NHSL2: variants seen among roughly 807,000 people sequenced by gnomAD.
The protein encoded by NHSL2 is NHS like 2.
Under a neutral mutation model 53.4 loss-of-function variants are expected in NHSL2, and 27 were observed. The ratio of observed to expected loss-of-function variants is 0.51; its 90% CI spans 0.37 to 0.70. NHSL2 has a LOEUF of 0.70. Among genes scored for constraint, NHSL2 ranks in the 30% least tolerant of loss-of-function variants. The pLI, the probability that NHSL2 is intolerant of heterozygous loss-of-function variation, is 0.00. For missense variants in NHSL2, 892 were observed against 980.1 expected (o/e 0.91, Z 1.20); for synonymous variants, 408 against 404.1 (o/e 1.01, Z -0.12).
chrX:71,957,636 C>T (rs1043719396), intron 1 of NHSL2, among the ~76,000 whole-genome samples: 16 of 110,831 alleles, frequency 1.4e-4, no homozygotes, highest in African/African-American at 4.3e-4. Flanking sequence ...GACCCCCAGT[C>T]GGCCTACTGT....
chrX:71,964,021 A>ATG (rs1319369630), intron 1 of NHSL2, among the ~76,000 whole-genome samples: 2,047 of 7,062 alleles, frequency 0.29, 235 homozygotes, highest in East Asian at 0.68. Context: ...GTATATATAT[A>ATG]TATGTGTATA....
intron 1 of NHSL2, among the ~76,000 whole-genome samples, chrX:71,970,974 G>A (rs1030017398): frequency 1.3e-4 from 14 of 110,807 alleles, no homozygotes; most frequent in South Asian, 3.8e-4. Flanking sequence ...GTAGAGCCAC[G>A]GTCTTGCTAT....
chrX:72,102,274 G>A (rs750630666), intron 1 of NHSL2, among the ~76,000 whole-genome samples: 30 of 112,207 alleles, frequency 2.7e-4, no homozygotes, highest in Non-Finnish European at 4.7e-4. Context: ...AAGAAAAGGT[G>A]ACAAGAGAAA....
At chrX:72,000,483 CA>C (rs2042067792) in intron 1 of NHSL2, among the ~76,000 whole-genome samples, 3 of 112,232 alleles carry the variant, frequency 2.7e-5, no homozygotes, top group Admixed American at 1.9e-4. Flanking sequence ...TGGCTTAAAA[CA>C]ACACAAATTT....
intron 1 of NHSL2, among the ~76,000 whole-genome samples, chrX:72,045,286 T>A (rs1216624455): frequency 9.0e-6 from 1 of 111,472 alleles, no homozygotes; most frequent in Non-Finnish European, 1.9e-5. Context: ...GGGCATACAA[T>A]GGGAGGGATT....
At chrX:72,135,589 T>C (rs2042349575) in intron 4 of NHSL2, among the ~76,000 whole-genome samples, 2 of 112,115 alleles carry the variant, frequency 1.8e-5, no homozygotes, top group Admixed American at 1.9e-4. Context: ...CATGTGGCAA[T>C]GCTCCCTGGA....
rs1214853469 is a variant in NHSL2 at position 72,063,873 on chromosome X, G to A, written c.281-68206G>A. Reference sequence around the variant, plus strand: ...GGGGAAGACTATTTACGTTTGGGAAGATCAGAAAAGGCTCAAGATGGACCT... The same window carrying A: ...GGGGAAGACTATTTACGTTTGGGAAAATCAGAAAAGGCTCAAGATGGACCT... On this transcript the variant is annotated intron_variant, in intron 1 of 7. Coordinates refer to ENST00000633930, the MANE Select transcript of NHSL2 (RefSeq NM_001013627.3). Among the ~76,000 whole-genome samples, 5 of 110,857 alleles carry A rather than the reference G, an allele frequency of 4.5e-5. No individual in the cohort carries two copies. The Admixed American group carries it at 4.9e-4, about 11-fold the overall frequency.
At chrX:72,141,432 A>C (rs1050408243) in intron 6 of NHSL2, 3 of 120,987 alleles carry the variant, frequency 2.5e-5, no homozygotes, top group African/African-American at 9.8e-5. Context: ...ACCATTTTTA[A>C]GTGTGCAGTT....
At chrX:71,968,535 C>T (rs1325353139) in intron 1 of NHSL2, among the ~76,000 whole-genome samples, 3 of 111,987 alleles carry the variant, frequency 2.7e-5, no homozygotes, top group African/African-American at 6.5e-5. Flanking sequence ...AAATTTTTCA[C>T]CTTGATTAAG....
At chrX:71,966,673 C>G (rs1219305922) in intron 1 of NHSL2, among the ~76,000 whole-genome samples, 2 of 111,755 alleles carry the variant, frequency 1.8e-5, no homozygotes, top group Non-Finnish European at 3.8e-5. Flanking sequence ...TATTTTTATA[C>G]ATTGCTGGAT....
intron 1 of NHSL2, among the ~76,000 whole-genome samples, chrX:72,032,725 G>T (rs1451771653): frequency 1.8e-5 from 2 of 110,883 alleles, no homozygotes; most frequent in Non-Finnish European, 1.9e-5. Context: ...CTGGCGTGGT[G>T]GTGCTCACCT....
intron 1 of NHSL2, among the ~76,000 whole-genome samples, chrX:72,082,502 G>C (rs2041800968): frequency 8.9e-6 from 1 of 112,088 alleles, no homozygotes; most frequent in Non-Finnish European, 1.9e-5. Flanking sequence ...AAAACCCTGT[G>C]AGGTGGGTAC....
At position 72,139,940 on chromosome X, in the gene NHSL2, C is replaced by T. The variant is rs144260909; in HGVS notation, c.2392C>T (p.Arg798Trp). The T allele has an allele frequency of 2.5e-5, 30 of 1,206,774 alleles. No individual in the cohort carries two copies. Among genetic ancestry groups the T allele is most frequent in the African/African-American group, 1.1e-4 (6 of 56,933 alleles). ...CATCCGAAGCAAAACTAAGGTGAGT[C>T]GGCACCACTCAGAGACAAATTTTGG... ...ISIRSKTKVS[R>W]HHSETNFGVK... Residue 798 changes from arginine to tryptophan, a missense_variant, in exon 6 of 8, where the codon CGG (arginine) becomes TGG (tryptophan). Coordinates refer to ENST00000633930, the MANE Select transcript of NHSL2 (RefSeq NM_001013627.3).
chrX:72,109,052 G>A (rs2042069291), intron 1 of NHSL2, among the ~76,000 whole-genome samples: 1 of 111,245 alleles, frequency 9.0e-6, no homozygotes, highest in Admixed American at 9.6e-5. Flanking sequence ...CCTGCCAAGT[G>A]TGCTCTTTTT....
intron 1 of NHSL2, among the ~76,000 whole-genome samples, chrX:71,927,298 A>G (rs1023020663): frequency 1.8e-5 from 2 of 112,099 alleles, no homozygotes; most frequent in African/African-American, 3.2e-5. Context: ...AAAGTCAGCC[A>G]GAGGGAACAA....
intron 1 of NHSL2, among the ~76,000 whole-genome samples, chrX:71,929,144 T>C (rs2147820006): frequency 8.9e-6 from 1 of 112,251 alleles, no homozygotes; most frequent in South Asian, 3.7e-4. Flanking sequence ...TTTGAAGTTC[T>C]CAGGTGTTTT....
At chrX:72,083,116 G>C (rs1017646411) in intron 1 of NHSL2, among the ~76,000 whole-genome samples, 1 of 111,595 alleles carries the variant, frequency 9.0e-6, no homozygotes, top group African/African-American at 3.3e-5. Context: ...GGATTCCCAG[G>C]GTCCCCCTCT....
At chrX:72,091,547 A>G (rs2041900140) in intron 1 of NHSL2, among the ~76,000 whole-genome samples, 1 of 112,001 alleles carries the variant, frequency 8.9e-6, no homozygotes, top group African/African-American at 3.2e-5. Context: ...AGGAGTGCCT[A>G]TTCCTCCATA....
At chrX:72,051,797 C>A (rs748355374) in intron 1 of NHSL2, among the ~76,000 whole-genome samples, 1 of 111,279 alleles carries the variant, frequency 9.0e-6, no homozygotes, top group Admixed American at 9.5e-5. Context: ...TCCAACATGT[C>A]CCCACCTGTT....
Sources: gnomAD v4.1 joint callset for allele counts (sites outside exome capture counted in the v4.1 genomes callset) on GRCh38, gnomAD v4.1.1 for gene constraint, MANE v1.5 for transcripts, NCBI Gene and HGNC (gene_info 2026-07-23, HGNC 2026-07-21) for gene names.